Variants in WNK1 observed in about 807,000 individuals in gnomAD.
The protein encoded by WNK1 is serine/threonine-protein kinase WNK1.
A neutral mutation model predicts 222.8 loss-of-function variants in WNK1; 38 were observed. That is an observed-to-expected ratio of 0.17 (90% CI 0.13 to 0.22). WNK1 has a LOEUF of 0.22. WNK1 is among the 10% of genes least tolerant of loss of function. WNK1 has a pLI of 1.00. For synonymous variants in WNK1, 1,090 were observed against 1,092.9 expected, an observed-to-expected ratio of 1.00 and a Z score of 0.05; for missense variants, 2,348 against 2,918.4, an observed-to-expected ratio of 0.80 and a Z score of 4.50.
chr12:880,980 C>T lies in WNK1; in HGVS notation c.3092C>T (p.Ser1031Phe). Residue 1031 changes from serine to phenylalanine, a missense_variant, in exon 12 of 28, where the codon TCC (serine) becomes TTC (phenylalanine). Ser to Phe is a radical substitution (Grantham distance 155, BLOSUM62 -2). Coordinates refer to ENST00000315939, the MANE Select transcript of WNK1 (RefSeq NM_018979.4). ...TTAGCACAAGCCCCCACTACATCCT[C>T]CCAGCAAGCAGTTTTGGAGGTAAAT... The part of the protein sequence containing the change: ...GSLAQAPTTS[S>F]QQAVLESTQG... 1 of 1,614,110 alleles carries T rather than the reference C, an allele frequency of 6.2e-7. No individual in the cohort carries two copies. The highest frequency in any genetic ancestry group is 8.5e-7 in the Non-Finnish European group (1 of 1,180,032).
At position 752,867 on chromosome 12, in the gene WNK1, CGGGGAGGCCTCGGGGAA is replaced by C. The variant is rs936079934; in HGVS notation, c.-694_-678del. ...ACGGGTTTGCCAGGCCTGGGGCGGG[CGGGGAGGCCTCGGGGAA>C]GGGGGGGCCCGCTCCTCAGGCGCCG... On this transcript the variant is annotated 5_prime_UTR_variant, in exon 1 of 28. Transcript: ENST00000315939. 4 of 152,156 alleles carry C rather than the reference CGGGGAGGCCTCGGGGAA, an allele frequency of 2.6e-5. No homozygotes were observed. The highest frequency in any genetic ancestry group is 1.3e-4 in the Admixed American group (2 of 15,304). 9.4% of individuals were successfully genotyped at this position (152,156 alleles called of 1,614,324 possible). A position where few individuals can be genotyped will look rare whatever the true frequency, so the allele number is the denominator to read the frequency against.
chr12:767,048 A>G (rs1941804181), intron 1 of WNK1, among the ~76,000 whole-genome samples: 1 of 152,290 alleles, frequency 6.6e-6, no homozygotes, highest in East Asian at 1.9e-4. Flanking sequence ...AAGTGTTGGG[A>G]TTACAGGCGT....
chr12:838,090 T>TGC (rs1178456524), intron 4 of WNK1, among the ~76,000 whole-genome samples: 1 of 151,744 alleles, frequency 6.6e-6, no homozygotes, highest in Non-Finnish European at 1.5e-5. Flanking sequence ...TGTGTGTGTG[T>TGC]GTGTGTGTGT....
chr12:890,581 T>A, intron 22 of WNK1, 68 bp downstream of exon 22: 1 of 1,568,208 alleles, frequency 6.4e-7, no homozygotes, highest in Non-Finnish European at 8.8e-7. Context: ...TCAGGAGGTT[T>A]ACCGTTTCAA....
Position 907,879 on chromosome 12 carries a change from G to A in WNK1, c.6676G>A (p.Val2226Met). The A allele has an allele frequency of 6.2e-7, 1 of 1,614,054 alleles. No individual in the cohort carries two copies. Among genetic ancestry groups the A allele is most frequent in the East Asian group, 2.2e-5 (1 of 44,890 alleles). ...CAGCACAAACACTGTTGGGGCAACA[G>A]TGAACAGCCAAGCCGCCCAAGCTCA... ...TSSTNTVGAT[V>M]NSQAAQAQPP... is the part of the protein sequence containing the mutation. Residue 2226 changes from valine to methionine, a missense_variant, in exon 27 of 28, where the codon GTG becomes ATG. By Grantham distance (21) the Val-to-Met change is conservative. Around this residue, in one of 13 missense-constraint regions of WNK1, gnomAD observed 1,144 missense variants for 1,273.6 expected, o/e 0.90. Coordinates refer to ENST00000315939, the MANE Select transcript of WNK1 (RefSeq NM_018979.4).
At chr12:837,591 AAG>A (rs1407714623) in intron 4 of WNK1, among the ~76,000 whole-genome samples, 2 of 151,148 alleles carry the variant, frequency 1.3e-5, no homozygotes, top group Non-Finnish European at 3.0e-5. Context: ...AAAAAAAAAA[AAG>A]AAAAGAAAAG....
intron 15 of WNK1, 32 bp downstream of exon 15, chr12:883,091 C>T (rs72650718): frequency 1.3e-4 from 186 of 1,463,364 alleles, no homozygotes; most frequent in Non-Finnish European, 1.7e-4. Context: ...TAGGTTTTTC[C>T]TTAGTACTTG....
At chr12:843,704 G>A (rs1176510724) in intron 4 of WNK1, among the ~76,000 whole-genome samples, 2 of 152,186 alleles carry the variant, frequency 1.3e-5, no homozygotes, top group Non-Finnish European at 2.9e-5. Flanking sequence ...ACACCTTTGA[G>A]AACCACAGTT....
Position 881,707 on chromosome 12 carries a change from T to C in WNK1, c.3127T>C (p.Ser1043Pro). 6.2e-7 allele frequency: 1 copy of C among 1,614,084 alleles called. No individual in the cohort carries two copies. The highest frequency in any genetic ancestry group is 1.1e-5 in the South Asian group (1 of 91,082). Residue 1043 changes from serine to proline, a missense_variant, in exon 13 of 28, where the codon TCT (serine) becomes CCT (proline). This residue lies in a region of WNK1 where 547 missense variants were observed against 558.3 expected (regional missense o/e 0.98). Transcript: ENST00000315939. ...CGATTCACAGAGTACTCAGGGAGTC[T>C]CTCAGGTTGCTCCTGCAGAGCCAGT... ...QAVLESTQGVSQVAPAEPVAV... is the reference protein window; with the variant it reads ...QAVLESTQGVPQVAPAEPVAV...
At chr12:760,940 A>ATTTTTTTTT (rs11284313) in intron 1 of WNK1, among the ~76,000 whole-genome samples, 1 of 130,088 alleles carries the variant, frequency 7.7e-6, no homozygotes, top group Non-Finnish European at 1.7e-5. Flanking sequence ...CACCCGGCTA[A>ATTTTTTTTT]TTTTTTTTTT....
intron 24 of WNK1, among the ~76,000 whole-genome samples, 166 bp downstream of exon 24, chr12:896,898 AC>A (rs1954784575): frequency 2.5e-4 from 1 of 4,052 alleles, no homozygotes; most frequent in African/African-American, 6.0e-4. Flanking sequence ...ACACACACAC[AC>A]ACACACACAC....
intron 4 of WNK1, among the ~76,000 whole-genome samples, chr12:844,956 C>T (rs930132197): frequency 1.1e-4 from 14 of 125,014 alleles, no homozygotes; most frequent in Admixed American, 4.0e-4. Context: ...AGTGCAGTGG[C>T]GGGATCTCGG....
Position 911,168 on chromosome 12 carries a change from CT to C in WNK1, c.*2377del. The C allele has an allele frequency of 2.5e-6, 1 of 397,184 alleles. No individual in the cohort carries two copies. The highest frequency in any genetic ancestry group is 4.4e-6 in the Non-Finnish European group (1 of 225,638). The allele number at this position is 397,184 out of a possible 1,614,324, so 24.6% of individuals were successfully genotyped here. ...AGAGGAATGAACTAGTGCTACTGAA[CT>C]GTTTAAATTATTTTTGTGTTAATAG... On this transcript the variant is annotated 3_prime_UTR_variant, in exon 28 of 28. Transcript: ENST00000315939.
intron 2 of WNK1, among the ~76,000 whole-genome samples, chr12:820,644 T>C (rs1947785043): frequency 1.3e-5 from 2 of 151,940 alleles, no homozygotes; most frequent in African/African-American, 4.8e-5. Flanking sequence ...CTGGCTAATT[T>C]TTAAATTTTT....
At chr12:775,675 CAA>C (rs902312718) in intron 1 of WNK1, among the ~76,000 whole-genome samples, 2 of 151,758 alleles carry the variant, frequency 1.3e-5, no homozygotes, top group African/African-American at 2.4e-5. Flanking sequence ...CACCTTGTCT[CAA>C]AAAAAAGTTT....
Position 871,791 on chromosome 12 carries a change from C to T in WNK1, c.2223+443C>T, listed in dbSNP as rs1210535439. ...CTAATTTTTGTATTTTTAGTAGAGA[C>T]GGGGTTTCACCATGCTGGCCAGGCT... On this transcript the variant is annotated intron_variant, in intron 9 of 27. Transcript: ENST00000315939. Among the ~76,000 whole-genome samples, 6 of 152,028 alleles carry T rather than the reference C, an allele frequency of 3.9e-5. No individual in the cohort carries two copies. In the South Asian group the frequency reaches 1.0e-3, roughly 26 times the overall value.
intron 1 of WNK1, among the ~76,000 whole-genome samples, chr12:770,270 G>T (rs1012601755): frequency 6.6e-6 from 1 of 152,126 alleles, no homozygotes; most frequent in Non-Finnish European, 1.5e-5. Context: ...CACTGCGCCC[G>T]GCCAGGAATT....
intron 4 of WNK1, among the ~76,000 whole-genome samples, chr12:837,292 G>A (rs1949259452): frequency 6.6e-6 from 1 of 152,198 alleles, no homozygotes; most frequent in Non-Finnish European, 1.5e-5. Context: ...CAGCCGTGAG[G>A]GCTGGGCGCA....
At chr12:838,605 G>C (rs1406411498) in intron 4 of WNK1, among the ~76,000 whole-genome samples, 1 of 151,440 alleles carries the variant, frequency 6.6e-6, no homozygotes, top group African/African-American at 2.4e-5. Flanking sequence ...TTGTAGAGAC[G>C]AGGTTTTGTC....
Sources: allele counts gnomAD v4.1 joint callset (sites outside exome capture counted in the v4.1 genomes callset), GRCh38; gene constraint gnomAD v4.1.1; regional missense constraint gnomAD v4.1.1; transcripts MANE v1.5; gene names NCBI Gene and HGNC (gene_info 2026-07-23, HGNC 2026-07-21).